The following ITFG2 variants were observed in gnomAD, a reference collection of about 807,000 sequenced individuals.
The protein encoded by ITFG2 is KICSTOR complex protein ITFG2.
ITFG2 carries 36 observed loss-of-function variants against 54.4 expected under a neutral mutation model. The observed-to-expected ratio is 0.66, with a 90% CI of 0.51 to 0.87. The LOEUF (loss-of-function observed/expected upper bound fraction) is 0.87. Ranked by LOEUF, ITFG2 falls within the 40% of genes least tolerant of loss-of-function variation. The pLI, the probability that ITFG2 is intolerant of heterozygous loss-of-function variation, is 0.00. For synonymous variants in ITFG2, 211 were observed against 225.4 expected (o/e 0.94, Z 0.57); for missense variants, 524 against 576.7 (o/e 0.91, Z 0.94).
At chr12:2,823,097 T>C (rs2097951237) in intron 10 of ITFG2, among the ~76,000 whole-genome samples, 186 bp downstream of exon 10, 1 of 152,118 alleles carries the variant, frequency 6.6e-6, no homozygotes, top group Non-Finnish European at 1.5e-5. Flanking sequence ...AAGTCTTCAT[T>C]CACCGTGAGT....
intron 2 of ITFG2, among the ~76,000 whole-genome samples, chr12:2,843,134 T>C (rs955355860): frequency 6.6e-6 from 1 of 152,228 alleles, no homozygotes; most frequent in Non-Finnish European, 1.5e-5. Flanking sequence ...ATATTCTTTA[T>C]AGAATGGGTT....
At chr12:2,843,669 T>C (rs2098046610) in intron 2 of ITFG2, among the ~76,000 whole-genome samples, 1 of 152,074 alleles carries the variant, frequency 6.6e-6, no homozygotes, top group Non-Finnish European at 1.5e-5. Context: ...AAAAATTAGG[T>C]GGGCATGGTG....
chr12:2,827,309 G>A (rs759174833), downstream of ITFG2: 42 of 1,611,194 alleles, frequency 2.6e-5, no homozygotes, highest in Non-Finnish European at 3.3e-5. This position sits in a 1 kb window ranked among gnomAD's most constrained non-coding sequence, Gnocchi z 4.0. Flanking sequence ...ACTGCGGGGT[G>A]TAGAGCAGTC....
At position 2,820,242 on chromosome 12, in the gene ITFG2, G is replaced by A. The variant is rs1365280429; in HGVS notation, c.546+17G>A. 1 of 1,567,078 alleles carries A rather than the reference G, an allele frequency of 6.4e-7. No homozygotes were observed. Among genetic ancestry groups the A allele is most frequent in the Non-Finnish European group, 8.6e-7 (1 of 1,157,148 alleles). ...GAGGGTCAGGTAAGAAGCTGACTCT[G>A]GGGAACAAGGCCCCAGGGAGCTGGG... On this transcript the variant is annotated intron_variant, in intron 5 of 11. Coordinates refer to ENST00000228799, the MANE Select transcript of ITFG2 (RefSeq NM_018463.4).
In ITFG2 at chr12:2,812,687, T is replaced by C. The variant is rs1313994423; in HGVS notation, c.-74T>C. On this transcript the variant is annotated 5_prime_UTR_variant, in exon 1 of 12. Transcript: ENST00000228799. ...CTTGCTGCCTTAGGTGGCCTTCCGC[T>C]CTGGCGGCTGTCGCGACGGGGGTTC... The C allele has an allele frequency of 3.8e-6, 5 of 1,319,622 alleles. No homozygotes were observed. The highest frequency in any genetic ancestry group is 2.3e-5 in the East Asian group (1 of 42,666). 81.7% of individuals were successfully genotyped at this position (1,319,622 alleles called of 1,614,324 possible). A position where few individuals can be genotyped will look rare whatever the true frequency, so the allele number is the denominator to read the frequency against.
intron 2 of ITFG2, among the ~76,000 whole-genome samples, chr12:2,846,640 C>A (rs1409072146): frequency 2.0e-5 from 3 of 152,006 alleles, no homozygotes; most frequent in African/African-American, 7.2e-5. Flanking sequence ...GGGAACCCTC[C>A]TTTCCACCCT....
At chr12:2,858,833 G>A (rs749330783) in intron 3 of ITFG2, 7 of 1,614,100 alleles carry the variant, frequency 4.3e-6, no homozygotes, top group Admixed American at 3.3e-5. Flanking sequence ...CTGGCTTGGG[G>A]ACGTCTATAT....
intron 2 of ITFG2, 33 bp downstream of exon 2, chr12:2,817,351 G>T: frequency 6.6e-7 from 1 of 1,505,520 alleles, no homozygotes; most frequent in Non-Finnish European, 9.2e-7. Context: ...CTGGAGGGGG[G>T]AAGGGATCCC....
At chr12:2,828,491 C>T, downstream of ITFG2, 2 of 1,094,506 alleles carry the variant, frequency 1.8e-6, no homozygotes, top group South Asian at 1.3e-5. Flanking sequence ...GTTTCCCAGC[C>T]CATTGATGAT....
intron 2 of ITFG2, among the ~76,000 whole-genome samples, chr12:2,846,408 G>A (rs890936265): frequency 1.3e-5 from 2 of 152,108 alleles, no homozygotes; most frequent in East Asian, 1.9e-4. Flanking sequence ...AGGGCCTCTC[G>A]CTGTGAGGTG....
At chr12:2,819,457 G>A (rs2097934658) in intron 4 of ITFG2, among the ~76,000 whole-genome samples, 1 of 150,848 alleles carries the variant, frequency 6.6e-6, no homozygotes, top group Non-Finnish European at 1.5e-5. Context: ...GAGAGAGCGA[G>A]ACTCCGTCTC....
Position 2,858,567 on chromosome 12 carries a change from G to A in ITFG2, n.620+236G>A, listed in dbSNP as rs1603498720. The A allele has an allele frequency of 5.1e-6, 7 of 1,361,446 alleles. No individual in the cohort carries two copies. In the East Asian group the frequency reaches 1.6e-4, roughly 32 times the overall value. 84.3% of individuals were successfully genotyped at this position (1,361,446 alleles called of 1,614,324 possible). On this transcript the variant is annotated intron_variant and non_coding_transcript_variant, in intron 3 of 3. Transcript: ENST00000537710. ...CCCTGCCTGCTGTCCTCACTCAGAG[G>A]CTTGGGGTGCACTGAGCCTTGGAGT...
chr12:2,818,509 C>T lies in ITFG2; in HGVS notation c.406+232C>T, dbSNP rs2097929593. The T allele has an allele frequency of 5.4e-5, 38 of 706,384 alleles. 1 individual carries two copies. In the South Asian group the frequency reaches 7.0e-4, roughly 13 times the overall value. The allele number at this position is 706,384 out of a possible 1,614,324, so 43.8% of individuals were successfully genotyped here. A position where few individuals can be genotyped will look rare whatever the true frequency, so the allele number is the denominator to read the frequency against. The stretch of plus-strand genomic sequence containing the variant: ...TTATTATGAAGAAACAGAAAAGAAA[C>T]AATATAGGCTAGGTGTGCTGCCTCT... On this transcript the variant is annotated intron_variant, in intron 4 of 11. Transcript: ENST00000228799.
Position 2,820,779 on chromosome 12 carries a change from C to G in ITFG2, c.602C>G (p.Ser201Cys). ...CTGGGTCTTCCTGAACTGATGGTGT[C>G]TCAGCCAGGTTGTGCGTATGCAATT... Reference protein sequence around the residue: ...GPLGLPELMVSQPGCAYAILL... With the variant: ...GPLGLPELMVCQPGCAYAILL... The change falls in exon 6 of 12, where the codon TCT (serine) becomes TGT (cysteine). Residue 201 changes from serine (S) to cysteine (C), a missense_variant. Physicochemically the swap from Ser to Cys is moderately radical, Grantham distance 112 (BLOSUM62 -1). Transcript: ENST00000228799. 6.2e-7 allele frequency: 1 copy of G among 1,614,016 alleles called. No homozygotes were observed. Among genetic ancestry groups the G allele is most frequent in the Non-Finnish European group, 8.5e-7 (1 of 1,179,942 alleles).
At position 2,812,727 on chromosome 12, in the gene ITFG2, G is replaced by C. The variant is rs779222830; in HGVS notation, c.-34G>C. On this transcript the variant is annotated 5_prime_UTR_variant, in exon 1 of 12. Coordinates refer to ENST00000228799, the MANE Select transcript of ITFG2 (RefSeq NM_018463.4). ...GACGGGGGTTCAGGGAATATTTACT[G>C]GGCCTCTCCGCTCCCTCTGCTCTTG... 6.4e-7 allele frequency: 1 copy of C among 1,568,066 alleles called. No homozygotes were observed. Among genetic ancestry groups the C allele is most frequent in the South Asian group, 1.1e-5 (1 of 89,980 alleles).
At chr12:2,831,540 C>T (rs1408578437), downstream of ITFG2, among the ~76,000 whole-genome samples, 1 of 151,908 alleles carries the variant, frequency 6.6e-6, no homozygotes, top group African/African-American at 2.4e-5. Flanking sequence ...GCCAAGATCA[C>T]ACCACTGCAC....
At chr12:2,832,460 G>A (rs17834697), upstream of ITFG2, among the ~76,000 whole-genome samples, 10,726 of 151,784 alleles carry the variant, frequency 0.071, 500 homozygotes, top group Admixed American at 0.12. Context: ...CACTCTTCTC[G>A]AGGCTAGACT....
At chr12:2,820,627 TG>T in intron 5 of ITFG2, 96 bp from the exon 6 acceptor site, 1 of 252,666 alleles carries the variant, frequency 4.0e-6, no homozygotes, top group South Asian at 3.5e-5. Context: ...GCCCTGCCCC[TG>T]CCCCCGCCCC....
chr12:2,815,938 C>T (rs1385179788), intron 1 of ITFG2, among the ~76,000 whole-genome samples: 1 of 152,138 alleles, frequency 6.6e-6, no homozygotes, highest in African/African-American at 2.4e-5. Flanking sequence ...GATCATGGCT[C>T]ACTGCAGCTT....
Sources: gnomAD v4.1 joint callset for allele counts (sites outside exome capture counted in the v4.1 genomes callset) on GRCh38, gnomAD v4.1.1 for gene constraint, Gnocchi (gnomAD v3.1) non-coding constraint, MANE v1.5 for transcripts, NCBI Gene and HGNC (gene_info 2026-07-23, HGNC 2026-07-21) for gene names.